PDE9A: variants seen among roughly 807,000 people sequenced by gnomAD.
PDE9A encodes phosphodiesterase 9A, also known as high affinity cGMP-specific 3',5'-cyclic phosphodiesterase 9A.
A neutral mutation model predicts 87.4 loss-of-function variants in PDE9A; 60 were observed. The observed-to-expected ratio is 0.69, with a 90% CI of 0.56 to 0.85. PDE9A has a LOEUF of 0.85. Among genes scored for constraint, PDE9A ranks in the 40% least tolerant of loss-of-function variants. PDE9A has a pLI of 0.00. For synonymous variants in PDE9A, 272 were observed against 279.4 expected (o/e 0.97, Z 0.27); for missense variants, 665 against 779.0 (o/e 0.85, Z 1.74).
At chr21:42,752,693 C>T (rs980724769) in intron 9 of PDE9A, among the ~76,000 whole-genome samples, 1 of 152,238 alleles carries the variant, frequency 6.6e-6, no homozygotes, top group Non-Finnish European at 1.5e-5. Context: ...GTCAGCCCTC[C>T]AGATCTGTCC....
At chr21:42,662,654 T>C (rs531828137) in intron 1 of PDE9A, among the ~76,000 whole-genome samples, 1 of 96,110 alleles carries the variant, frequency 1.0e-5, no homozygotes, top group African/African-American at 4.1e-5. Flanking sequence ...TCCCACACCA[T>C]GCACACACAC....
rs371170243 is a variant in PDE9A, at chr21:42,721,808, G to A, written c.263-9962G>A. 1.3e-4 allele frequency among the ~76,000 whole-genome samples: 19 copies of A among 151,992 alleles called. No homozygotes were observed. In the South Asian group the frequency reaches 1.9e-3, roughly 15 times the overall value. On this transcript the variant is annotated intron_variant, in intron 4 of 19. Coordinates refer to ENST00000291539, the MANE Select transcript of PDE9A (RefSeq NM_002606.3). ...CCTTGGCTCTCAGGGGTTGGAGGTT[G>A]GACAAGAGCAGAAATAAAGGCACCC...
chr21:42,747,133 C>G (rs1281358081), intron 8 of PDE9A, among the ~76,000 whole-genome samples: 1 of 152,210 alleles, frequency 6.6e-6, no homozygotes, highest in African/African-American at 2.4e-5. Flanking sequence ...TCCTGTTTTT[C>G]TATGTAGAAA....
intron 15 of PDE9A, among the ~76,000 whole-genome samples, chr21:42,765,914 G>A (rs997318308): frequency 4.2e-4 from 64 of 152,264 alleles, no homozygotes; most frequent in African/African-American, 1.3e-3. Flanking sequence ...CCACACCATA[G>A]CCCAGCACCC....
At chr21:42,747,840 C>T (rs1452207584) in intron 8 of PDE9A, among the ~76,000 whole-genome samples, 1 of 152,240 alleles carries the variant, frequency 6.6e-6, no homozygotes, top group Non-Finnish European at 1.5e-5. Flanking sequence ...TGGCCTTGCC[C>T]ACTGGCCTAA....
chr21:42,713,473 G>A (rs970255669), intron 4 of PDE9A, among the ~76,000 whole-genome samples: 10 of 152,192 alleles, frequency 6.6e-5, no homozygotes, highest in Middle Eastern at 3.2e-3. Context: ...CTAACAATTC[G>A]TTAAGAATGT....
intron 17 of PDE9A, among the ~76,000 whole-genome samples, chr21:42,769,492 AAGG>A (rs2056755674): frequency 9.8e-5 from 1 of 10,194 alleles, no homozygotes; most frequent in Non-Finnish European, 3.0e-4. Flanking sequence ...ACATGCACAC[AAGG>A]CACGCAGGTA....
At chr21:42,706,165 G>A (rs1315111488) in intron 4 of PDE9A, among the ~76,000 whole-genome samples, 1 of 152,224 alleles carries the variant, frequency 6.6e-6, no homozygotes, top group African/African-American at 2.4e-5. Context: ...GTTCCCCCAG[G>A]TGGTGACCAA....
chr21:42,763,193 T>C (rs1256975336), intron 14 of PDE9A, among the ~76,000 whole-genome samples: 1 of 152,138 alleles, frequency 6.6e-6, no homozygotes, highest in Non-Finnish European at 1.5e-5. Context: ...GGAGGGAAGC[T>C]CTCGGAGTAA....
rs1470390690 is a variant in PDE9A at position 42,722,144 on chromosome 21, T to G, written c.263-9626T>G. On this transcript the variant is annotated intron_variant, in intron 4 of 19. Transcript: ENST00000291539. The surrounding 1 kb of genome is among the most constrained non-coding windows in gnomAD (Gnocchi z 4.1). ...GCACGTACCACCATGCCCAGCTAAT[T>G]TTTTTGTATTTTTAGTAGAGACGGA... Among the ~76,000 whole-genome samples the G allele has an allele frequency of 6.6e-6, 1 of 151,760 alleles. No homozygotes were observed. Among genetic ancestry groups the G allele is most frequent in the Non-Finnish European group, 1.5e-5 (1 of 67,944 alleles).
intron 16 of PDE9A, 48 bp downstream of exon 16, chr21:42,768,340 C>T (rs2056601672): frequency 8.1e-7 from 1 of 1,239,356 alleles, no homozygotes. Flanking sequence ...CTTATTAGCC[C>T]CACTTAGTAA....
chr21:42,690,345 A>G (rs8128442), intron 3 of PDE9A, among the ~76,000 whole-genome samples: 105,582 of 150,582 alleles, frequency 0.7, 38,478 homozygotes, highest in East Asian at 0.94. Context: ...AACCGGGTAC[A>G]GGTGATGCGG....
chr21:42,688,876 T>C (rs1438855075), intron 3 of PDE9A, among the ~76,000 whole-genome samples: 1 of 152,218 alleles, frequency 6.6e-6, no homozygotes, highest in South Asian at 2.1e-4. Flanking sequence ...CAGACCCTTG[T>C]GTCAGTGAGG....
chr21:42,745,234 G>A (rs2053721587), intron 8 of PDE9A, among the ~76,000 whole-genome samples: 1 of 152,192 alleles, frequency 6.6e-6, no homozygotes, highest in Non-Finnish European at 1.5e-5. Context: ...GCCTCGGGGT[G>A]GGCGCAGGGA....
At position 42,772,436 on chromosome 21, in the gene PDE9A, C is replaced by T. The variant is rs151122140; in HGVS notation, c.1687-3C>T. The T allele has an allele frequency of 8.4e-5, 134 of 1,601,436 alleles. No individual in the cohort carries two copies. In the East Asian group the frequency reaches 2.8e-3, roughly 34 times the overall value. Reference sequence around the variant, plus strand: ...ACTTGGCCTTCTCTGTACTCTGTTCCAGTTACAGAAGAAGACTGACAGCTT... The same window carrying T: ...ACTTGGCCTTCTCTGTACTCTGTTCTAGTTACAGAAGAAGACTGACAGCTT... On this transcript the variant is annotated splice_polypyrimidine_tract_variant and splice_region_variant and intron_variant, in intron 18 of 19. Transcript: ENST00000291539.
chr21:42,656,878 G>A (rs929753684), intron 1 of PDE9A, among the ~76,000 whole-genome samples: 3 of 152,210 alleles, frequency 2.0e-5, no homozygotes, highest in Non-Finnish European at 4.4e-5. Flanking sequence ...ACTTCACTCT[G>A]TGCCCCTGTG....
At chr21:42,664,981 A>AT in intron 1 of PDE9A, among the ~76,000 whole-genome samples, 1 of 152,264 alleles carries the variant, frequency 6.6e-6, no homozygotes, top group African/African-American at 2.4e-5. Flanking sequence ...ATTTGCAGAC[A>AT]TAATCACATC....
intron 15 of PDE9A, among the ~76,000 whole-genome samples, chr21:42,767,089 C>T (rs2056480516): frequency 6.6e-6 from 1 of 152,074 alleles, no homozygotes; most frequent in Non-Finnish European, 1.5e-5. Flanking sequence ...CACGGCCAGG[C>T]ATCGTCTCAC....
intron 14 of PDE9A, 117 bp downstream of exon 14, chr21:42,762,356 A>C: frequency 1.0e-6 from 1 of 1,002,764 alleles, no homozygotes; most frequent in Non-Finnish European, 1.5e-6. Context: ...TGCCCTGGGG[A>C]CCCAAGGGAA....
Sources: gnomAD v4.1 joint callset for allele counts (sites outside exome capture counted in the v4.1 genomes callset) on GRCh38, gnomAD v4.1.1 for gene constraint, Gnocchi (gnomAD v3.1) non-coding constraint, MANE v1.5 for transcripts, NCBI Gene and HGNC (gene_info 2026-07-23, HGNC 2026-07-21) for gene names.